Variants in PDE4D observed in about 807,000 individuals in gnomAD.
PDE4D encodes the protein 3',5'-cyclic-AMP phosphodiesterase 4D.
Under a neutral mutation model 87.4 loss-of-function variants are expected in PDE4D, and 24 were observed. The ratio of observed to expected loss-of-function variants is 0.27; its 90% confidence interval spans 0.20 to 0.39. The LOEUF (loss-of-function observed/expected upper bound fraction) is 0.39. PDE4D is among the 10% of genes least tolerant of loss of function. The pLI, the probability that PDE4D is intolerant of heterozygous loss-of-function variation, is 1.00. For missense variants in PDE4D, 714 were observed against 1,041.0 expected, an observed-to-expected ratio of 0.69 and a Z score of 4.32; for synonymous variants, 384 against 383.2, an observed-to-expected ratio of 1.00 and a Z score of -0.02.
chr5:59,012,764 G>C (rs185775010), intron 6 of PDE4D, among the ~76,000 whole-genome samples: 1 of 152,160 alleles, frequency 6.6e-6, no homozygotes, highest in African/African-American at 2.4e-5. Context: ...AATTAACAAG[G>C]ATATCCAGGA....
Position 59,126,953 on chromosome 5 carries a change from C to A in PDE4D, c.808+53642G>T, listed in dbSNP as rs535946313. On this transcript the variant is annotated intron_variant, in intron 5 of 14. Coordinates refer to ENST00000340635, the MANE Select transcript of PDE4D (RefSeq NM_001104631.2). ...GAGTGGGAAAGAGAATGAAAGGATT[C>A]GATCAATTGTGGAATTTCAAAGCGG... Among the ~76,000 whole-genome samples the A allele has an allele frequency of 5.0e-4, 76 of 152,140 alleles. 6 individuals carry two copies. In the South Asian group the frequency reaches 0.015, roughly 31 times the overall value.
At chr5:60,074,145 T>G (rs140491916) in intron 2 of PDE4D, among the ~76,000 whole-genome samples, 2 of 152,170 alleles carry the variant, frequency 1.3e-5, no homozygotes, top group South Asian at 4.1e-4. Flanking sequence ...CTTTCTAACT[T>G]TTTGATGTGA....
chr5:59,264,152 T>G lies in PDE4D; in HGVS notation c.456-48184A>C, dbSNP rs1403087824. 8.5e-5 allele frequency among the ~76,000 whole-genome samples: 13 copies of G among 152,110 alleles called. No individual in the cohort carries two copies. The East Asian group carries it at 2.3e-3, about 27-fold the overall frequency. ...GATGAGATCATCAAGGCCATTTAAA[T>G]GGCAAGCAGCCACACTATGTCCCTC... is the stretch of plus-strand genomic sequence containing the variant. On this transcript the variant is annotated intron_variant, in intron 1 of 14. Coordinates refer to ENST00000340635, the MANE Select transcript of PDE4D (RefSeq NM_001104631.2).
Position 59,333,523 on chromosome 5 carries a change from C to A in PDE4D, c.456-117555G>T, listed in dbSNP as rs1214973839. Reference sequence around the variant, plus strand: ...TTTCCCTGTGCAGAATACCTCATAACTGTGATCCATAGTTGGCAAGAATCC... The same window carrying A: ...TTTCCCTGTGCAGAATACCTCATAAATGTGATCCATAGTTGGCAAGAATCC... On this transcript the variant is annotated intron_variant, in intron 1 of 14. Transcript: ENST00000340635. Among the ~76,000 whole-genome samples the A allele has an allele frequency of 2.0e-5, 3 of 152,160 alleles. No homozygotes were observed. The South Asian group carries it at 6.2e-4, about 32-fold the overall frequency.
intron 3 of PDE4D, among the ~76,000 whole-genome samples, chr5:59,970,230 G>A (rs907830911): frequency 1.1e-4 from 16 of 152,192 alleles, no homozygotes; most frequent in African/African-American, 3.4e-4. Flanking sequence ...AGACTTAAAC[G>A]TTAGACCTAA....
intron 2 of PDE4D, among the ~76,000 whole-genome samples, chr5:60,134,850 T>A (rs1480116902): frequency 6.6e-6 from 1 of 152,218 alleles, no homozygotes; most frequent in Non-Finnish European, 1.5e-5. Flanking sequence ...GCAGAACCCA[T>A]GGGTACAGAG....
intron 1 of PDE4D, among the ~76,000 whole-genome samples, chr5:59,577,742 T>A (rs981771228): frequency 6.6e-6 from 1 of 152,098 alleles, no homozygotes; most frequent in African/African-American, 2.4e-5. Context: ...GCTGAGATGA[T>A]TAGAAGAGAT....
chr5:59,824,147 A>C (rs1000693788), intron 1 of PDE4D, among the ~76,000 whole-genome samples: 29 of 152,268 alleles, frequency 1.9e-4, no homozygotes, highest in African/African-American at 6.3e-4. Flanking sequence ...AAAGAAACAA[A>C]ACACATTTTA....
At chr5:59,725,047 A>G (rs1580697604) in intron 1 of PDE4D, among the ~76,000 whole-genome samples, 1 of 152,050 alleles carries the variant, frequency 6.6e-6, no homozygotes, top group East Asian at 1.9e-4. Context: ...AAATAGTTTA[A>G]TTGGACCTTA....
intron 1 of PDE4D, among the ~76,000 whole-genome samples, chr5:60,407,095 A>C (rs1456100501): frequency 6.6e-6 from 1 of 152,166 alleles, no homozygotes; most frequent in East Asian, 1.9e-4. Context: ...CTGGAGGTGG[A>C]AAGGAGAGAG....
At chr5:59,936,180 G>T (rs1354449579) in intron 3 of PDE4D, among the ~76,000 whole-genome samples, 1 of 152,072 alleles carries the variant, frequency 6.6e-6, no homozygotes, top group Non-Finnish European at 1.5e-5. Context: ...ATGGACACGG[G>T]AAGGGGAACA....
At chr5:59,840,081 G>T (rs1742747535) in intron 1 of PDE4D, among the ~76,000 whole-genome samples, 1 of 151,810 alleles carries the variant, frequency 6.6e-6, no homozygotes, top group South Asian at 2.1e-4. Flanking sequence ...CCTGGCTCAG[G>T]TCTAGCTCAT....
At chr5:60,020,379 C>G (rs982415183) in intron 2 of PDE4D, among the ~76,000 whole-genome samples, 1 of 152,158 alleles carries the variant, frequency 6.6e-6, no homozygotes. Context: ...CATCAATACA[C>G]TTGTTAGATG....
intron 2 of PDE4D, among the ~76,000 whole-genome samples, chr5:60,121,251 C>T (rs745340036): frequency 6.6e-6 from 1 of 151,748 alleles, no homozygotes; most frequent in Non-Finnish European, 1.5e-5. Flanking sequence ...CCCTGACTAA[C>T]ACACCCACTT....
At chr5:59,147,582 A>G (rs62356728) in intron 5 of PDE4D, among the ~76,000 whole-genome samples, 36,378 of 152,032 alleles carry the variant, frequency 0.24, 4,557 homozygotes, top group African/African-American at 0.29. Context: ...ACTCACCTTT[A>G]CTTTGATCCT....
At chr5:60,269,794 C>T (rs569676284) in intron 1 of PDE4D, among the ~76,000 whole-genome samples, 2 of 152,270 alleles carry the variant, frequency 1.3e-5, no homozygotes, top group South Asian at 2.1e-4. Flanking sequence ...ACATGTATTA[C>T]AACATCACGT....
At chr5:59,031,391 ATTATATAT>A (rs1400635097) in intron 6 of PDE4D, among the ~76,000 whole-genome samples, 1 of 32,098 alleles carries the variant, frequency 3.1e-5, no homozygotes, top group Non-Finnish European at 5.5e-5. Context: ...ATATATATAT[ATTATATAT>A]ATATATATAT....
intron 5 of PDE4D, among the ~76,000 whole-genome samples, chr5:59,062,782 G>T (rs1763344711): frequency 1.3e-5 from 2 of 148,226 alleles, no homozygotes; most frequent in South Asian, 4.4e-4. Context: ...TTTTTTAAAG[G>T]CAATCAGAAC....
chr5:59,834,198 G>A (rs1366129646), intron 1 of PDE4D, among the ~76,000 whole-genome samples: 1 of 151,992 alleles, frequency 6.6e-6, no homozygotes, highest in Non-Finnish European at 1.5e-5. Context: ...TACATCGTAA[G>A]TACCAAAAAT....
Sources: allele counts gnomAD v4.1 joint callset (sites outside exome capture counted in the v4.1 genomes callset), GRCh38; gene constraint gnomAD v4.1.1; transcripts MANE v1.5; gene names NCBI Gene and HGNC (gene_info 2026-07-23, HGNC 2026-07-21).